MTR: variants seen among roughly 807,000 people sequenced by gnomAD.
MTR encodes the protein methionine synthase.
A neutral mutation model predicts 154.8 loss-of-function variants in MTR; 84 were observed. The ratio of observed to expected loss-of-function variants is 0.54; its 90% CI spans 0.45 to 0.65. The LOEUF (loss-of-function observed/expected upper bound fraction) is 0.65. Ranked by LOEUF, MTR falls within the 30% of genes least tolerant of loss-of-function variation. The pLI is 0.00. For synonymous variants in MTR, 554 were observed against 553.9 expected, an observed-to-expected ratio of 1.00 and a Z score of 0.00; for missense variants, 1,275 against 1,570.2, an observed-to-expected ratio of 0.81 and a Z score of 3.18.
intron 31 of MTR, among the ~76,000 whole-genome samples, chr1:236,896,575 T>C (rs951523666): frequency 2.0e-5 from 3 of 152,216 alleles, no homozygotes; most frequent in African/African-American, 7.2e-5. Flanking sequence ...CTCACAATGT[T>C]GTGGGTTCCT....
Position 236,824,121 on chromosome 1 carries a change from T to C in MTR, c.767T>C (p.Ile256Thr). Residue 256 changes from isoleucine to threonine, a missense_variant and splice_region_variant, in exon 9 of 33, where the codon ATT becomes ACT. Physicochemically the swap from Ile to Thr is moderately conservative, Grantham distance 89 (BLOSUM62 -1). Transcript: ENST00000366577. Reference sequence around the variant, plus strand: ...ATATGTTTTTTCTGTTTTTCTAGCATTGGATTAAATTGTGCTTTGGGTGCA... The same window carrying C: ...ATATGTTTTTTCTGTTTTTCTAGCACTGGATTAAATTGTGCTTTGGGTGCA... ...ISVSHGEPLC[I>T]GLNCALGAAE... 6.2e-7 allele frequency: 1 copy of C among 1,613,120 alleles called. No individual in the cohort carries two copies. The highest frequency in any genetic ancestry group is 1.1e-5 in the South Asian group (1 of 91,046).
intron 22 of MTR, among the ~76,000 whole-genome samples, chr1:236,870,340 G>A (rs1420739393): frequency 1.3e-5 from 2 of 152,190 alleles, no homozygotes; most frequent in African/African-American, 4.8e-5. Flanking sequence ...ATTCTCTCCT[G>A]CTGATCTCTC....
At chr1:236,824,095 AAT>A (rs1277342859) in intron 8 of MTR, 22 bp from the exon 9 acceptor site, 10 of 1,567,444 alleles carry the variant, frequency 6.4e-6, no homozygotes, top group African/African-American at 2.7e-5. Context: ...TGATGCTTTT[AAT>A]ATGTTTTTTC....
chr1:236,853,224 A>G, intron 18 of MTR, 136 bp downstream of exon 18: 1 of 1,088,096 alleles, frequency 9.2e-7, no homozygotes, highest in Non-Finnish European at 1.4e-6. Flanking sequence ...ATTTCTACAG[A>G]GAGTTGCAGA....
In MTR at chr1:236,898,335, A is replaced by T. The variant is rs1160341674; in HGVS notation, c.*691A>T. On this transcript the variant is annotated 3_prime_UTR_variant, in exon 33 of 33. Coordinates refer to ENST00000366577, the MANE Select transcript of MTR (RefSeq NM_000254.3). ...CATATTTCCGTACCCCTGAGGAAAC[A>T]AAAAGGAAATGAGGAGAGAAAGTTA... is the stretch of plus-strand genomic sequence containing the variant. 1 of 152,148 alleles carries T rather than the reference A, an allele frequency of 6.6e-6. No homozygotes were observed. The allele number at this position is 152,148 out of a possible 1,614,324, so 9.4% of individuals were successfully genotyped here. A position where few individuals can be genotyped will look rare whatever the true frequency, so the allele number is the denominator to read the frequency against.
At position 236,861,292 on chromosome 1, in the gene MTR, G is replaced by A. The variant is rs1478837011; in HGVS notation, c.2196+15G>A. On this transcript the variant is annotated intron_variant, in intron 20 of 32. Transcript: ENST00000366577. ...TTCTACCTCAGGTTAGCAAAATATG[G>A]GGAGAAATTTTCACAGTTGCATCTT... The A allele has an allele frequency of 6.8e-6, 11 of 1,613,602 alleles. No homozygotes were observed. The African/African-American group carries it at 9.3e-5, about 14-fold the overall frequency.
chr1:236,836,865 T>G (rs1662939056), intron 14 of MTR, among the ~76,000 whole-genome samples: 1 of 152,228 alleles, frequency 6.6e-6, no homozygotes, highest in South Asian at 2.1e-4. Context: ...TAGACTCGCC[T>G]TGTAAGGCCC....
intron 1 of MTR, among the ~76,000 whole-genome samples, chr1:236,800,962 C>A (rs763346588): frequency 6.6e-6 from 1 of 152,156 alleles, no homozygotes; most frequent in East Asian, 1.9e-4. Flanking sequence ...ACCCAGATTT[C>A]TTGGGTTTTC....
In MTR at chr1:236,830,831, A is replaced by G. The variant is rs879907781; in HGVS notation, c.1076-1135A>G. On this transcript the variant is annotated intron_variant, in intron 12 of 32. Transcript: ENST00000366577. ...CCAGTACCGTGCATGGAAAGCGATA[A>G]TCTCTATCAGTGCACCAAGGGGCCT... Among the ~76,000 whole-genome samples, 8 of 152,134 alleles carry G rather than the reference A, an allele frequency of 5.3e-5. No homozygotes were observed. In the South Asian group the frequency reaches 8.3e-4, roughly 16 times the overall value.
intron 15 of MTR, among the ~76,000 whole-genome samples, chr1:236,846,586 T>C (rs1663587092): frequency 6.6e-6 from 1 of 152,238 alleles, no homozygotes; most frequent in Non-Finnish European, 1.5e-5. Context: ...GGAATTGGTA[T>C]CTTGCCAGTG....
chr1:236,845,730 GCTCA>G (rs1352905866), intron 15 of MTR, among the ~76,000 whole-genome samples: 2 of 152,162 alleles, frequency 1.3e-5, no homozygotes, highest in Admixed American at 6.5e-5. Flanking sequence ...CAGCATGTAT[GCTCA>G]CTGTCAAATT....
At chr1:236,854,954 C>T (rs1021707492) in intron 18 of MTR, among the ~76,000 whole-genome samples, 1 of 152,154 alleles carries the variant, frequency 6.6e-6, no homozygotes, top group African/African-American at 2.4e-5. Flanking sequence ...CTTAATGTAA[C>T]CACGAGGGCT....
intron 27 of MTR, among the ~76,000 whole-genome samples, chr1:236,888,504 C>A (rs1666142494): frequency 6.6e-6 from 1 of 152,244 alleles, no homozygotes; most frequent in African/African-American, 2.4e-5. Flanking sequence ...AACCTACCAT[C>A]TGATTTTTAA....
At chr1:236,814,331 G>A (rs563703783) in intron 6 of MTR, among the ~76,000 whole-genome samples, 21 of 152,256 alleles carry the variant, frequency 1.4e-4, no homozygotes, top group Admixed American at 1.0e-3. Context: ...AATGAGATTC[G>A]TATATACATC....
chr1:236,808,798 T>G, intron 4 of MTR, 25 bp downstream of exon 4: 3 of 1,607,800 alleles, frequency 1.9e-6, no homozygotes, highest in Non-Finnish European at 2.6e-6. Context: ...TCTCTTTTTT[T>G]GCACACGTGG....
chr1:236,808,704 G>A lies in MTR; in HGVS notation c.340G>A (p.Ala114Thr). 6.2e-7 allele frequency: 1 copy of A among 1,614,176 alleles called. No homozygotes were observed. Among genetic ancestry groups the A allele is most frequent in the Non-Finnish European group, 8.5e-7 (1 of 1,180,002 alleles). Residue 114 changes from alanine to threonine, a missense_variant and splice_region_variant, in exon 4 of 33, where the codon GCC becomes ACC. Transcript: ENST00000366577. The part of the protein sequence containing the change: ...AQADYGLEHL[A>T]YRMNMCSAGV... ...CTAACGTTTGTGGTTGATACGTTAG[G>A]CCTACCGGATGAACATGTGCTCTGC... is the stretch of plus-strand genomic sequence containing the variant.
At chr1:236,830,673 A>G (rs1331619512) in intron 12 of MTR, among the ~76,000 whole-genome samples, 1 of 152,198 alleles carries the variant, frequency 6.6e-6, no homozygotes, top group African/African-American at 2.4e-5. Flanking sequence ...CAGAAATGTC[A>G]GCATTGAAAT....
Position 236,897,310 on chromosome 1 carries a change from G to GCGCGCGCGCACGCGCGCGCGCACACA in MTR, c.3711+193_3711+194insGCGCGCGCACGCGCGCGCGCACACAC. Among the ~76,000 whole-genome samples, 17 of 128,614 alleles carry GCGCGCGCGCACGCGCGCGCGCACACA rather than the reference G, an allele frequency of 1.3e-4. No individual in the cohort carries two copies. The South Asian group carries it at 1.4e-3, about 10-fold the overall frequency. The allele number at this position is 128,614 out of a possible 152,430, so 84.4% of individuals were successfully genotyped here. On this transcript the variant is annotated intron_variant, in intron 32 of 32. Coordinates refer to ENST00000366577, the MANE Select transcript of MTR (RefSeq NM_000254.3). The stretch of plus-strand genomic sequence containing the variant: ...ACTTCTACATGCAAGCCACACACAC[G>GCGCGCGCGCACGCGCGCGCGCACACA]CACACACACACACACACACACACAC...
At chr1:236,880,451 C>T (rs1316810479) in intron 24 of MTR, among the ~76,000 whole-genome samples, 1 of 152,188 alleles carries the variant, frequency 6.6e-6, no homozygotes, top group Non-Finnish European at 1.5e-5. Flanking sequence ...GGTTACCTCC[C>T]TTAAGTCACG....
Sources: allele counts gnomAD v4.1 joint callset (sites outside exome capture counted in the v4.1 genomes callset), GRCh38; gene constraint gnomAD v4.1.1; transcripts MANE v1.5; gene names NCBI Gene and HGNC (gene_info 2026-07-23, HGNC 2026-07-21).